The following HS3ST1 variants were observed in gnomAD, a reference collection of about 807,000 sequenced individuals.
HS3ST1 encodes the protein heparan sulfate-glucosamine 3-sulfotransferase 1, also known as heparan sulfate glucosamine 3-O-sulfotransferase 1.
A neutral mutation model predicts 20.7 loss-of-function variants in HS3ST1; 8 were observed. The ratio of observed to expected loss-of-function variants is 0.39; its 90% CI spans 0.23 to 0.70. The LOEUF is 0.70. Ranked by LOEUF, HS3ST1 falls within the 30% of genes least tolerant of loss-of-function variation. The probability of loss-of-function intolerance (pLI) is 0.46; values close to 1 mark genes in which losing one functional copy is unlikely to be tolerated. For synonymous variants in HS3ST1, 205 were observed against 190.4 expected (o/e 1.08, Z -0.63); for missense variants, 436 against 423.4 (o/e 1.03, Z -0.26).
chr4:11,413,628 T>C (rs1415348939), intron 1 of HS3ST1, among the ~76,000 whole-genome samples: 2 of 151,876 alleles, frequency 1.3e-5, no homozygotes, highest in African/African-American at 4.8e-5. Flanking sequence ...CTCAAACAAC[T>C]TGGGACCATG....
rs1344282046 is a variant in HS3ST1, at chr4:11,400,043, C to T, written c.-38G>A. 6.9e-7 allele frequency: 1 copy of T among 1,456,884 alleles called. No homozygotes were observed. The highest frequency in any genetic ancestry group is 2.5e-5 in the East Asian group (1 of 40,138). 90.2% of individuals were successfully genotyped at this position (1,456,884 alleles called of 1,614,324 possible). On this transcript the variant is annotated 5_prime_UTR_variant, in exon 2 of 2. Coordinates refer to ENST00000002596, the MANE Select transcript of HS3ST1 (RefSeq NM_005114.4). ...GGTGGCTTCACTGGGCCGCGCGCCG[C>T]TGGGTCATGAAGTGCCGCAGCAGGG...
intron 1 of HS3ST1, among the ~76,000 whole-genome samples, chr4:11,408,505 G>A (rs1019112590): frequency 7.5e-4 from 114 of 152,332 alleles, no homozygotes; most frequent in African/African-American, 2.6e-3. Context: ...AGAAGGGCAC[G>A]CAGTGGCTGT....
In HS3ST1 at chr4:11,398,855, A is replaced by AT. The variant is rs1368414230; in HGVS notation, c.*226dup. The AT allele has an allele frequency of 2.3e-6, 1 of 431,166 alleles. No individual in the cohort carries two copies. Among genetic ancestry groups the AT allele is most frequent in the African/African-American group, 2.0e-5 (1 of 49,142 alleles). The allele number at this position is 431,166 out of a possible 1,614,324, so 26.7% of individuals were successfully genotyped here. A position where few individuals can be genotyped will look rare whatever the true frequency, so the allele number is the denominator to read the frequency against. On this transcript the variant is annotated 3_prime_UTR_variant, in exon 2 of 2. Transcript: ENST00000002596. ...GTTTAGTTCCTTCATATAGAGACAT[A>AT]TTACACAATGTTAACAACCATGAAA... is the stretch of plus-strand genomic sequence containing the variant.
At position 11,399,461 on chromosome 4, in the gene HS3ST1, C is replaced by T. The variant is rs1289747933; in HGVS notation, c.545G>A (p.Gly182Asp). 1 of 1,613,996 alleles carries T rather than the reference C, an allele frequency of 6.2e-7. No homozygotes were observed. The change falls in exon 2 of 2, where the codon GGC becomes GAC. Residue 182 changes from glycine (G) to aspartate (D), a missense_variant. Gly to Asp is a moderately conservative substitution (Grantham distance 94). Transcript: ENST00000002596. This position sits in a 1 kb window ranked among gnomAD's most constrained non-coding sequence, Gnocchi z 5.1. ...PSIEEFLVRD[G>D]RLNVDYKALN... ...GGCCTTGTAGTCCACATTGAGCCTG[C>T]CATCGCGCACCAGGAACTCCTCGAT...
At position 11,399,192 on chromosome 4, in the gene HS3ST1, G is replaced by A; in HGVS notation, c.814C>T (p.Arg272Trp). ...TTGGGATCGACTTGGGGGTGCGCCC[G>A]GCCTTTGGACTCATGTAAGCAGCGG... Reference protein sequence around the residue: ...RDRCLHESKGRAHPQVDPKLL... With the variant: ...RDRCLHESKGWAHPQVDPKLL... Residue 272 changes from arginine (R) to tryptophan (W), a missense_variant, in exon 2 of 2, where the codon CGG (arginine) becomes TGG (tryptophan). Physicochemically the swap from Arg to Trp is moderately radical, Grantham distance 101. Transcript: ENST00000002596. The surrounding 1 kb of genome is among the most constrained non-coding windows in gnomAD (Gnocchi z 5.1). The A allele has an allele frequency of 6.2e-7, 1 of 1,614,150 alleles. No individual in the cohort carries two copies. Among genetic ancestry groups the A allele is most frequent in the Non-Finnish European group, 8.5e-7 (1 of 1,180,026 alleles).
At position 11,394,542 on chromosome 4, in the gene HS3ST1, A is replaced by G. The variant is rs1166506502; in HGVS notation, c.*4540T>C. 2.0e-5 allele frequency: 3 copies of G among 152,198 alleles called. No homozygotes were observed. Among genetic ancestry groups the G allele is most frequent in the Admixed American group, 6.5e-5 (1 of 15,276 alleles). 9.4% of individuals were successfully genotyped at this position (152,198 alleles called of 1,614,324 possible). ...CTGCTGCCGGTTAGGAGCATGTTTT[A>G]TCACGTCCCTGTTGCATCAAATCCC... is the stretch of plus-strand genomic sequence containing the variant. On this transcript the variant is annotated 3_prime_UTR_variant, in exon 2 of 2. Coordinates refer to ENST00000002596, the MANE Select transcript of HS3ST1 (RefSeq NM_005114.4).
In HS3ST1 at chr4:11,397,713, T is replaced by G. The variant is rs527526782; in HGVS notation, c.*1369A>C. 1 of 152,208 alleles carries G rather than the reference T, an allele frequency of 6.6e-6. No individual in the cohort carries two copies. Among genetic ancestry groups the G allele is most frequent in the African/African-American group, 2.4e-5 (1 of 41,446 alleles). The allele number at this position is 152,208 out of a possible 1,614,324, so 9.4% of individuals were successfully genotyped here. A position where few individuals can be genotyped will look rare whatever the true frequency, so the allele number is the denominator to read the frequency against. On this transcript the variant is annotated 3_prime_UTR_variant, in exon 2 of 2. Coordinates refer to ENST00000002596, the MANE Select transcript of HS3ST1 (RefSeq NM_005114.4). The stretch of plus-strand genomic sequence containing the variant: ...TGCATCCTGGGGTTGCTTGGAGAAA[T>G]TTCAATGAGTTCTTAAGTGTAGGAG...
rs949231972 is a variant in HS3ST1, at chr4:11,394,240, A to T, written c.*4842T>A. 1.3e-5 allele frequency: 2 copies of T among 152,210 alleles called. No individual in the cohort carries two copies. Among genetic ancestry groups the T allele is most frequent in the African/African-American group, 4.8e-5 (2 of 41,460 alleles). 9.4% of individuals were successfully genotyped at this position (152,210 alleles called of 1,614,324 possible). The stretch of plus-strand genomic sequence containing the variant: ...TCTCAGAGTCTGAATCTAAGATCCC[A>T]TGGTCAGTGATTGGTACAGCTAGGA... On this transcript the variant is annotated 3_prime_UTR_variant, in exon 2 of 2. Transcript: ENST00000002596.
intron 1 of HS3ST1, among the ~76,000 whole-genome samples, chr4:11,418,046 A>G (rs1199647203): frequency 6.6e-6 from 1 of 152,176 alleles, no homozygotes; most frequent in Non-Finnish European, 1.5e-5. Context: ...ACAAGGGGAA[A>G]ATATTCTGGC....
intron 1 of HS3ST1, among the ~76,000 whole-genome samples, chr4:11,407,085 C>T (rs1316227164): frequency 1.3e-5 from 2 of 152,120 alleles, no homozygotes; most frequent in African/African-American, 2.4e-5. Context: ...ATTTCAAGAC[C>T]TACATAAATA....
chr4:11,412,554 C>A (rs1265297763), intron 1 of HS3ST1, among the ~76,000 whole-genome samples: 3 of 152,190 alleles, frequency 2.0e-5, no homozygotes, highest in African/African-American at 7.2e-5. Flanking sequence ...ATATATCAAA[C>A]TTCTAAGCTG....
At chr4:11,406,723 T>C (rs1718475196) in intron 1 of HS3ST1, among the ~76,000 whole-genome samples, 2 of 152,048 alleles carry the variant, frequency 1.3e-5, no homozygotes, top group Admixed American at 6.5e-5. Context: ...AAAACCACAA[T>C]GAGATAGAAG....
intron 1 of HS3ST1, among the ~76,000 whole-genome samples, chr4:11,405,123 TGAA>T (rs1376563722): frequency 6.6e-6 from 1 of 152,208 alleles, no homozygotes; most frequent in African/African-American, 2.4e-5. Flanking sequence ...AATTCTTTGA[TGAA>T]GGACAGAATT....
chr4:11,400,538 C>T (rs1176660960), intron 1 of HS3ST1, among the ~76,000 whole-genome samples: 2 of 152,254 alleles, frequency 1.3e-5, no homozygotes, highest in South Asian at 4.2e-4. Context: ...CCAGGTTTGC[C>T]TCCCTAGTCA....
chr4:11,420,915 G>A (rs16881652), intron 1 of HS3ST1, among the ~76,000 whole-genome samples: 1,524 of 152,240 alleles, frequency 0.01, 21 homozygotes, highest in African/African-American at 0.035. Context: ...GAAAAGAATC[G>A]TTCAGAACTG....
At position 11,419,591 on chromosome 4, in the gene HS3ST1, A is replaced by G. The variant is rs181148579; in HGVS notation, c.-109+9108T>C. Reference sequence around the variant, plus strand: ...AAAACACCATGGCACACGTTTACCTATGTAACAAACCTACATGTTCTGCAC... The same window carrying G: ...AAAACACCATGGCACACGTTTACCTGTGTAACAAACCTACATGTTCTGCAC... On this transcript the variant is annotated intron_variant, in intron 1 of 1. Coordinates refer to ENST00000002596, the MANE Select transcript of HS3ST1 (RefSeq NM_005114.4). Among the ~76,000 whole-genome samples, 164 of 152,272 alleles carry G rather than the reference A, an allele frequency of 1.1e-3. 1 individual carries two copies. The South Asian group carries it at 0.013, about 12-fold the overall frequency.
rs1452472587 is a variant in HS3ST1, at chr4:11,399,560, G to A, written c.446C>T (p.Pro149Leu). 3.7e-6 allele frequency: 6 copies of A among 1,613,722 alleles called. No homozygotes were observed. Among genetic ancestry groups the A allele is most frequent in the Non-Finnish European group, 1.7e-6 (2 of 1,180,042 alleles). The stretch of plus-strand genomic sequence containing the variant: ...GTAGTCAGATAGCACGCGCTCCGAC[G>A]GGTCTCGCAGGATGAGCAGCAGCCG... ...SIRLLLILRD[P>L]SERVLSDYTQ... Residue 149 changes from proline to leucine, a missense_variant, in exon 2 of 2, where the codon CCG (proline) becomes CTG (leucine). Coordinates refer to ENST00000002596, the MANE Select transcript of HS3ST1 (RefSeq NM_005114.4). The surrounding 1 kb of genome is among the most constrained non-coding windows in gnomAD (Gnocchi z 5.1).
intron 1 of HS3ST1, 46 bp from the exon 2 acceptor site, chr4:11,400,159 A>G (rs1356533357): frequency 7.2e-7 from 1 of 1,388,614 alleles, no homozygotes; most frequent in Non-Finnish European, 9.4e-7. Flanking sequence ...AAATACAGGG[A>G]TAATTCAACT....
At chr4:11,400,390 G>A (rs1718291300) in intron 1 of HS3ST1, among the ~76,000 whole-genome samples, 1 of 152,200 alleles carries the variant, frequency 6.6e-6, no homozygotes, top group Admixed American at 6.5e-5. Flanking sequence ...GGGTGTGGTT[G>A]TGTTCCAAGA....
Sources: gnomAD v4.1 joint callset for allele counts (sites outside exome capture counted in the v4.1 genomes callset) on GRCh38, gnomAD v4.1.1 for gene constraint, Gnocchi (gnomAD v3.1) non-coding constraint, MANE v1.5 for transcripts, NCBI Gene and HGNC (gene_info 2026-07-23, HGNC 2026-07-21) for gene names.